The following MNS1 variants were observed in gnomAD, a reference collection of about 807,000 sequenced individuals.
MNS1 encodes meiosis specific nuclear structural 1.
A neutral mutation model predicts 72.0 loss-of-function variants in MNS1; 63 were observed. The ratio of observed to expected loss-of-function variants is 0.87; its 90% CI spans 0.71 to 1.08. MNS1 has a LOEUF of 1.08. Among genes scored for constraint, MNS1 ranks in the 50% least tolerant of loss-of-function variants. The pLI is 0.00. For synonymous variants in MNS1, 188 were observed against 172.1 expected (o/e 1.09, Z -0.72); for missense variants, 604 against 562.4 (o/e 1.07, Z -0.75).
intron 4 of MNS1, among the ~76,000 whole-genome samples, chr15:56,446,157 CAT>C (rs1477232586): frequency 3.4e-4 from 51 of 151,756 alleles, no homozygotes; most frequent in African/African-American, 1.1e-3. Context: ...TGTGTGTGTA[CAT>C]ATGTTTATGT....
At chr15:56,463,355 T>C (rs754593508) in intron 2 of MNS1, among the ~76,000 whole-genome samples, 2 of 152,142 alleles carry the variant, frequency 1.3e-5, no homozygotes, top group African/African-American at 4.8e-5. Context: ...AGTTCATATT[T>C]ATGTTAAAAA....
intron 1 of MNS1, among the ~76,000 whole-genome samples, chr15:56,464,761 T>C (rs947682490): frequency 6.6e-6 from 1 of 152,162 alleles, no homozygotes; most frequent in Non-Finnish European, 1.5e-5. Flanking sequence ...TAAAGATGTA[T>C]TTAATACACT....
At chr15:56,461,401 A>C (rs1269880606) in intron 2 of MNS1, among the ~76,000 whole-genome samples, 1 of 152,106 alleles carries the variant, frequency 6.6e-6, no homozygotes, top group African/African-American at 2.4e-5. Context: ...TGGCTGACAC[A>C]TGTAATCCCA....
At chr15:56,457,462 A>G (rs1406392076) in intron 2 of MNS1, among the ~76,000 whole-genome samples, 3 of 152,206 alleles carry the variant, frequency 2.0e-5, no homozygotes, top group Non-Finnish European at 4.4e-5. Flanking sequence ...ACTATCACTC[A>G]TATATTGCTG....
chr15:56,444,367 C>A, intron 5 of MNS1, 77 bp downstream of exon 5: 1 of 1,250,722 alleles, frequency 8.0e-7, no homozygotes, highest in Non-Finnish European at 1.1e-6. Context: ...GTTCTAGGTG[C>A]TTCAGTTCCT....
At chr15:56,439,889 T>A (rs1307933034) in intron 7 of MNS1, among the ~76,000 whole-genome samples, 1 of 151,608 alleles carries the variant, frequency 6.6e-6, no homozygotes, top group Non-Finnish European at 1.5e-5. Flanking sequence ...AAAGAAAAAC[T>A]GATAAACTGA....
intron 2 of MNS1, among the ~76,000 whole-genome samples, chr15:56,461,758 G>A (rs1203915071): frequency 2.0e-5 from 3 of 149,884 alleles, no homozygotes; most frequent in Non-Finnish European, 3.0e-5. Flanking sequence ...AATAATAAAT[G>A]CAATTAAGTA....
chr15:56,430,102 T>A (rs1373816317), intron 9 of MNS1: 1 of 152,204 alleles, frequency 6.6e-6, no homozygotes, highest in African/African-American at 2.4e-5. Context: ...ATAAAATAAA[T>A]ATGCACTTGA....
At chr15:56,451,243 C>T (rs2050945147) in intron 3 of MNS1, among the ~76,000 whole-genome samples, 1 of 152,018 alleles carries the variant, frequency 6.6e-6, no homozygotes, top group Non-Finnish European at 1.5e-5. Context: ...ACAGATATAC[C>T]CAACAATTTG....
chr15:56,461,975 GTTTTTTTTTTTTT>G (rs56022687), intron 2 of MNS1, among the ~76,000 whole-genome samples: 31 of 97,876 alleles, frequency 3.2e-4, no homozygotes, highest in Admixed American at 4.8e-4. Context: ...TTTTGTTGTT[GTTTTTTTTTTTTT>G]TTTTTTTTTT....
At chr15:56,457,847 ACAACT>A (rs1337871038) in intron 2 of MNS1, among the ~76,000 whole-genome samples, 1 of 152,036 alleles carries the variant, frequency 6.6e-6, no homozygotes, top group Non-Finnish European at 1.5e-5. Context: ...CAATTATCAC[ACAACT>A]CAACAATTTT....
chr15:56,459,585 A>G (rs1282998764), intron 2 of MNS1, among the ~76,000 whole-genome samples: 1 of 152,182 alleles, frequency 6.6e-6, no homozygotes, highest in Non-Finnish European at 1.5e-5. Flanking sequence ...TAGCAATTGA[A>G]AACTACTACA....
At position 56,428,758 on chromosome 15, in the gene MNS1, C is replaced by G. The variant is rs2050451784; in HGVS notation, c.*343G>C. 2.9e-6 allele frequency: 1 copy of G among 349,306 alleles called. No homozygotes were observed. The highest frequency in any genetic ancestry group is 4.4e-5 in the Admixed American group (1 of 22,770). The allele number at this position is 349,306 out of a possible 1,614,324, so 21.6% of individuals were successfully genotyped here. ...AAATTCCAAATATTTATTTCCCTGG[C>G]TAAATCAAGTAAGTAAAGTTCGTAA... is the stretch of plus-strand genomic sequence containing the variant. On this transcript the variant is annotated 3_prime_UTR_variant, in exon 10 of 10. Transcript: ENST00000260453.
rs1443162056 is a variant in MNS1 at position 56,445,656 on chromosome 15, G to C, written c.457-983C>G. The C allele has an allele frequency of 2.0e-5, 3 of 151,212 alleles. No individual in the cohort carries two copies. The East Asian group carries it at 5.8e-4, about 29-fold the overall frequency. 9.4% of individuals were successfully genotyped at this position (151,212 alleles called of 1,614,324 possible). A position where few individuals can be genotyped will look rare whatever the true frequency, so the allele number is the denominator to read the frequency against. ...TTACCACACACTTACCGAAAACAAT[G>C]TTCTCATTTTACAGATAAGAAAACT... On this transcript the variant is annotated intron_variant, in intron 4 of 9. Transcript: ENST00000260453.
At position 56,444,380 on chromosome 15, in the gene MNS1, C is replaced by A. The variant is rs139192065; in HGVS notation, c.686+64G>T. On this transcript the variant is annotated intron_variant, in intron 5 of 9. Transcript: ENST00000260453. Reference sequence around the variant, plus strand: ...CTGTTCTAGGTGCTTCAGTTCCTCACAACAAACCTGTGATATATCTAAAGT... The same window carrying A: ...CTGTTCTAGGTGCTTCAGTTCCTCAAAACAAACCTGTGATATATCTAAAGT... 682 of 1,418,438 alleles carry A rather than the reference C, an allele frequency of 4.8e-4. 3 individuals carry two copies. The African/African-American group carries it at 8.8e-3, about 18-fold the overall frequency. The allele number at this position is 1,418,438 out of a possible 1,614,324, so 87.9% of individuals were successfully genotyped here. A position where few individuals can be genotyped will look rare whatever the true frequency, so the allele number is the denominator to read the frequency against.
chr15:56,459,956 C>T (rs1162536113), intron 2 of MNS1, among the ~76,000 whole-genome samples: 1 of 125,546 alleles, frequency 8.0e-6, no homozygotes, highest in Non-Finnish European at 1.6e-5. Context: ...CGCCATTGCA[C>T]TCCAGCCTGG....
rs1567151510 is a variant in MNS1, at chr15:56,444,583, C to CTTTTGT, written c.546_547insACAAAA (p.Lys182_Ala183insThrLys). The CTTTTGT allele has an allele frequency of 3.1e-6, 5 of 1,612,922 alleles. No individual in the cohort carries two copies. Among genetic ancestry groups the CTTTTGT allele is most frequent in the Non-Finnish European group, 2.5e-6 (3 of 1,179,474 alleles). On this transcript the variant is annotated inframe_insertion, in exon 5 of 10. Coordinates refer to ENST00000260453, the MANE Select transcript of MNS1 (RefSeq NM_018365.4). ...AAGTCAAGATAGTACTGTGCTTTCG[C>CTTTTGT]TTTGTTTCGTTTGTCTTCTGCAGCA...
intron 7 of MNS1, among the ~76,000 whole-genome samples, chr15:56,435,466 A>C (rs1360662988): frequency 6.6e-6 from 1 of 152,068 alleles, no homozygotes; most frequent in Admixed American, 6.6e-5. Context: ...ACAAATAACT[A>C]ATATCAGGAA....
intron 9 of MNS1, 75 bp from the exon 10 acceptor site, chr15:56,429,268 A>G (rs2050486233): frequency 4.3e-6 from 4 of 924,076 alleles, no homozygotes; most frequent in Non-Finnish European, 6.7e-6. Context: ...ACTGACAGAC[A>G]TAAGATTAGT....
Sources: gnomAD v4.1 joint callset for allele counts (sites outside exome capture counted in the v4.1 genomes callset) on GRCh38, gnomAD v4.1.1 for gene constraint, MANE v1.5 for transcripts, NCBI Gene and HGNC (gene_info 2026-07-23, HGNC 2026-07-21) for gene names.